MORC1: variants seen among roughly 807,000 people sequenced by gnomAD.
The protein encoded by MORC1 is MORC family CW-type zinc finger 1.
A neutral mutation model predicts 134.9 loss-of-function variants in MORC1; 59 were observed. That is an observed-to-expected ratio of 0.44 (90% CI 0.35 to 0.54). The LOEUF (loss-of-function observed/expected upper bound fraction) is 0.54. Ranked by LOEUF, MORC1 falls within the 20% of genes least tolerant of loss-of-function variation. The pLI is 0.00. For missense variants in MORC1, 947 were observed against 1,134.5 expected (o/e 0.83, Z 2.37); for synonymous variants, 395 against 391.7 (o/e 1.01, Z -0.10).
intron 3 of MORC1, among the ~76,000 whole-genome samples, chr3:109,105,556 C>T (rs1330906025): frequency 6.6e-6 from 1 of 151,478 alleles, no homozygotes; most frequent in African/African-American, 2.4e-5. Context: ...GCACATGCCT[C>T]TAGACTTGGC....
At chr3:109,010,585 G>C (rs1948659310) in intron 17 of MORC1, among the ~76,000 whole-genome samples, 1 of 152,052 alleles carries the variant, frequency 6.6e-6, no homozygotes, top group African/African-American at 2.4e-5. Context: ...TAATTTGAAA[G>C]ATTTTGATAT....
chr3:108,969,464 C>T lies in MORC1; in HGVS notation c.2604+205G>A, dbSNP rs1158358793. Among the ~76,000 whole-genome samples, 9 of 152,220 alleles carry T rather than the reference C, an allele frequency of 5.9e-5. No homozygotes were observed. The South Asian group carries it at 1.5e-3, about 25-fold the overall frequency. Reference sequence around the variant, plus strand: ...CAGTCCTACTCCAAGTGTTTCATAGCTTTATGTTATAGAAATGTTAGTATT... The same window carrying T: ...CAGTCCTACTCCAAGTGTTTCATAGTTTTATGTTATAGAAATGTTAGTATT... On this transcript the variant is annotated intron_variant, in intron 26 of 27. Coordinates refer to ENST00000232603, the MANE Select transcript of MORC1 (RefSeq NM_014429.4).
chr3:109,044,014 A>T (rs1046728232), intron 14 of MORC1, among the ~76,000 whole-genome samples: 21 of 152,218 alleles, frequency 1.4e-4, no homozygotes, highest in Non-Finnish European at 2.5e-4. Context: ...GGCTGAAAGC[A>T]CACAGCTAAT....
At chr3:109,054,225 G>T (rs1031959548) in intron 14 of MORC1, among the ~76,000 whole-genome samples, 2 of 150,756 alleles carry the variant, frequency 1.3e-5, no homozygotes, top group African/African-American at 4.9e-5. Flanking sequence ...AGGTTGCAGT[G>T]AGCCGAGATT....
chr3:108,998,249 T>G (rs1948293615), intron 21 of MORC1, among the ~76,000 whole-genome samples: 1 of 152,244 alleles, frequency 6.6e-6, no homozygotes, highest in South Asian at 2.1e-4. Context: ...GAAGCTGTAT[T>G]TATCTTTTAA....
intron 24 of MORC1, among the ~76,000 whole-genome samples, chr3:108,972,977 G>A (rs770192561): frequency 5.9e-5 from 9 of 152,264 alleles, no homozygotes; most frequent in Middle Eastern, 3.4e-3. Context: ...ATTAGTTCTC[G>A]ATTACTTTCA....
At position 109,059,794 on chromosome 3, in the gene MORC1, C is replaced by T. The variant is rs904923014; in HGVS notation, c.1031+12G>A. On this transcript the variant is annotated intron_variant, in intron 12 of 27. Transcript: ENST00000232603. Reference sequence around the variant, plus strand: ...CAGAGGATTCCTGCAAACAGAAAACCTTGTGTCTTACCTTTGTTTCTCTTT... The same window carrying T: ...CAGAGGATTCCTGCAAACAGAAAACTTTGTGTCTTACCTTTGTTTCTCTTT... The T allele has an allele frequency of 2.5e-6, 4 of 1,608,866 alleles. No individual in the cohort carries two copies. Among genetic ancestry groups the T allele is most frequent in the East Asian group, 2.2e-5 (1 of 44,564 alleles).
intron 8 of MORC1, among the ~76,000 whole-genome samples, chr3:109,078,142 C>G (rs551420662): frequency 6.6e-6 from 1 of 152,034 alleles, no homozygotes; most frequent in South Asian, 2.1e-4. Flanking sequence ...GTAGAAGATT[C>G]TAACATACTG....
At chr3:108,960,378 G>A (rs139755789) in intron 27 of MORC1, among the ~76,000 whole-genome samples, 32 of 152,256 alleles carry the variant, frequency 2.1e-4, no homozygotes, top group African/African-American at 7.0e-4. Context: ...AGACAAATGG[G>A]ATCACGATCC....
At chr3:109,083,460 C>T (rs1359333793) in intron 8 of MORC1, among the ~76,000 whole-genome samples, 1 of 152,086 alleles carries the variant, frequency 6.6e-6, no homozygotes, top group Non-Finnish European at 1.5e-5. Context: ...ATAATATCTA[C>T]AGCAACCTGT....
At chr3:109,036,627 C>A (rs1949386895) in intron 14 of MORC1, among the ~76,000 whole-genome samples, 1 of 152,088 alleles carries the variant, frequency 6.6e-6, no homozygotes, top group Non-Finnish European at 1.5e-5. Context: ...ATGAAAAATG[C>A]AAATAAATGA....
chr3:109,030,282 C>T (rs2107603816), intron 16 of MORC1, among the ~76,000 whole-genome samples: 1 of 152,302 alleles, frequency 6.6e-6, no homozygotes. Flanking sequence ...TCCAATGGCA[C>T]ATATGTCAGG....
intron 8 of MORC1, 136 bp from the exon 9 acceptor site, chr3:109,069,893 A>G: frequency 1.2e-6 from 1 of 825,550 alleles, no homozygotes; most frequent in Non-Finnish European, 1.7e-6. Flanking sequence ...AAAACTAATG[A>G]CACCACAAAC....
chr3:109,012,755 T>C (rs892476607), intron 17 of MORC1, among the ~76,000 whole-genome samples: 4 of 152,252 alleles, frequency 2.6e-5, no homozygotes, highest in African/African-American at 9.6e-5. Flanking sequence ...ATTGATTTTG[T>C]GTCCTGCAAC....
At position 109,005,173 on chromosome 3, in the gene MORC1, T is replaced by G. The variant is rs952769033; in HGVS notation, c.1910A>C (p.Glu637Ala). ...CATAGACTTTTTCATAATTTTTGTTTCTGAAATATACTCTACATCAGAGTC... is the reference window on the plus strand; with the variant it reads ...CATAGACTTTTTCATAATTTTTGTTGCTGAAATATACTCTACATCAGAGTC... The part of the protein sequence containing the change: ...ETDSDVEYIS[E>A]TKIMKKSMEE... Residue 637 changes from glutamate (E) to alanine (A), a missense_variant, in exon 19 of 28, where the codon GAA becomes GCA. By Grantham distance (107) the Glu-to-Ala change is moderately radical (BLOSUM62 -1). Transcript: ENST00000232603. The G allele has an allele frequency of 5.0e-6, 8 of 1,613,940 alleles. No individual in the cohort carries two copies. Among genetic ancestry groups the G allele is most frequent in the African/African-American group, 1.3e-5 (1 of 74,926 alleles).
intron 12 of MORC1, among the ~76,000 whole-genome samples, chr3:109,058,195 C>T (rs1950003596): frequency 6.6e-6 from 1 of 152,190 alleles, no homozygotes. Context: ...GTGAGAGGCA[C>T]ACCTGGTTTC....
At chr3:108,973,471 C>T (rs989074893) in intron 24 of MORC1, among the ~76,000 whole-genome samples, 6 of 151,928 alleles carry the variant, frequency 3.9e-5, no homozygotes, top group African/African-American at 1.2e-4. Context: ...TATTCCAGGC[C>T]ACCTGCACCA....
intron 8 of MORC1, among the ~76,000 whole-genome samples, chr3:109,079,197 G>T (rs958992161): frequency 2.6e-5 from 4 of 152,048 alleles, no homozygotes; most frequent in Non-Finnish European, 5.9e-5. Context: ...CCAGTCTCAT[G>T]TGCAAACATA....
In MORC1 at chr3:109,057,431, G is replaced by A. The variant is rs376429014; in HGVS notation, c.1087C>T (p.Arg363Ter). ...TAAATGAACATTCCAGCTTGGCTTCGGTTTTCTACGTTCACTCCATAGAAC... is the reference window on the plus strand; with the variant it reads ...TAAATGAACATTCCAGCTTGGCTTCAGTTTTCTACGTTCACTCCATAGAAC... ...SLFYGVNVEN[R>*]SQAGMFIYSN... Residue 363 changes from arginine to a stop codon, truncating the protein, a stop_gained, in exon 13 of 28, where the codon CGA becomes TGA. Transcript: ENST00000232603. LOFTEE classifies it high-confidence loss of function. 3.1e-6 allele frequency: 5 copies of A among 1,611,022 alleles called. No individual in the cohort carries two copies. Among genetic ancestry groups the A allele is most frequent in the Middle Eastern group, 1.7e-4 (1 of 6,056 alleles).
Sources: gnomAD v4.1 joint callset for allele counts (sites outside exome capture counted in the v4.1 genomes callset) on GRCh38, gnomAD v4.1.1 for gene constraint, MANE v1.5 for transcripts, NCBI Gene and HGNC (gene_info 2026-07-23, HGNC 2026-07-21) for gene names.